SNTG1: variants seen among roughly 807,000 people sequenced by gnomAD.
SNTG1 encodes the protein syntrophin gamma 1, also known as gamma-1-syntrophin.
A neutral mutation model predicts 74.7 loss-of-function variants in SNTG1; 39 were observed. The observed-to-expected ratio is 0.52, with a 90% CI of 0.40 to 0.68. The LOEUF is 0.68. Ranked by LOEUF, SNTG1 falls within the 30% of genes least tolerant of loss-of-function variation. The pLI, the probability that SNTG1 is intolerant of heterozygous loss-of-function variation, is 0.00. For synonymous variants in SNTG1, 254 were observed against 217.1 expected, an observed-to-expected ratio of 1.17 and a Z score of -1.49; for missense variants, 685 against 609.5, an observed-to-expected ratio of 1.12 and a Z score of -1.30.
chr8:50,024,622 A>G (rs994854844), intron 1 of SNTG1, among the ~76,000 whole-genome samples: 7 of 152,142 alleles, frequency 4.6e-5, no homozygotes, highest in African/African-American at 1.7e-4. Flanking sequence ...TTTCCCTTCT[A>G]CATGTATATC....
At chr8:50,303,014 T>A (rs1009505172) in intron 2 of SNTG1, among the ~76,000 whole-genome samples, 1 of 152,216 alleles carries the variant, frequency 6.6e-6, no homozygotes, top group Non-Finnish European at 1.5e-5. Context: ...AATGAATGTA[T>A]TCATATCAAA....
intron 1 of SNTG1, among the ~76,000 whole-genome samples, chr8:50,100,896 G>C (rs1030583885): frequency 6.6e-6 from 1 of 152,062 alleles, no homozygotes; most frequent in Admixed American, 6.6e-5. Context: ...GAGACGCATA[G>C]TACCCAATAG....
At chr8:50,461,944 T>A (rs956169762) in intron 8 of SNTG1, among the ~76,000 whole-genome samples, 2 of 152,144 alleles carry the variant, frequency 1.3e-5, no homozygotes, top group East Asian at 1.9e-4. Flanking sequence ...GAAGGAAACA[T>A]GTGTATACAT....
chr8:50,177,565 CT>C (rs1291679817), intron 2 of SNTG1, among the ~76,000 whole-genome samples: 1 of 152,184 alleles, frequency 6.6e-6, no homozygotes, highest in African/African-American at 2.4e-5. Context: ...CTCAGAGAGG[CT>C]GGTTACAGCC....
intron 1 of SNTG1, among the ~76,000 whole-genome samples, chr8:49,931,767 G>C (rs982007941): frequency 1.3e-5 from 2 of 152,112 alleles, no homozygotes; most frequent in Admixed American, 1.3e-4. Flanking sequence ...ACAATACTGA[G>C]TGAATACAAC....
At chr8:50,262,062 G>A (rs542563434) in intron 2 of SNTG1, among the ~76,000 whole-genome samples, 3 of 152,138 alleles carry the variant, frequency 2.0e-5, no homozygotes, top group African/African-American at 7.2e-5. Context: ...AAGGTAGCTG[G>A]AAAAATCACC....
intron 2 of SNTG1, among the ~76,000 whole-genome samples, chr8:50,309,425 G>A (rs1222537334): frequency 6.6e-6 from 1 of 151,896 alleles, no homozygotes; most frequent in Non-Finnish European, 1.5e-5. Flanking sequence ...AAGTCAGATG[G>A]TTTTGATTCC....
At chr8:50,747,141 A>AAC (rs1300045361) in intron 17 of SNTG1, among the ~76,000 whole-genome samples, 1 of 151,830 alleles carries the variant, frequency 6.6e-6, no homozygotes, top group East Asian at 1.9e-4. Flanking sequence ...GCTCCAGATT[A>AAC]ACACCCCCTC....
intron 8 of SNTG1, among the ~76,000 whole-genome samples, chr8:50,461,012 T>C (rs1407839317): frequency 3.3e-5 from 5 of 152,142 alleles, no homozygotes; most frequent in Non-Finnish European, 7.4e-5. Flanking sequence ...TTTTTTCCTC[T>C]TACAGGATCC....
chr8:50,051,302 AC>A (rs1320480156), intron 1 of SNTG1, among the ~76,000 whole-genome samples: 1 of 151,772 alleles, frequency 6.6e-6, no homozygotes, highest in Non-Finnish European at 1.5e-5. Context: ...TAAATTAAAA[AC>A]GTAGCAAGAT....
intron 1 of SNTG1, among the ~76,000 whole-genome samples, chr8:49,941,798 T>C (rs576619863): frequency 2.5e-4 from 38 of 152,276 alleles, no homozygotes; most frequent in African/African-American, 8.4e-4. Flanking sequence ...CATTCTAATA[T>C]ATGTTAATCT....
chr8:50,612,970 T>G (rs1256617118), intron 13 of SNTG1, among the ~76,000 whole-genome samples: 3 of 151,952 alleles, frequency 2.0e-5, no homozygotes, highest in Non-Finnish European at 2.9e-5. Context: ...GAAAGCCAAG[T>G]GTACAGGAAA....
chr8:50,451,331 T>G (rs1039533739), intron 8 of SNTG1, among the ~76,000 whole-genome samples: 1 of 152,226 alleles, frequency 6.6e-6, no homozygotes, highest in African/African-American at 2.4e-5. Flanking sequence ...ACTTGTTATA[T>G]AAGGGACTTG....
chr8:50,086,047 AG>A (rs1822854291), intron 1 of SNTG1, among the ~76,000 whole-genome samples: 1 of 151,736 alleles, frequency 6.6e-6, no homozygotes, highest in Non-Finnish European at 1.5e-5. Context: ...GAAAAAAAAA[AG>A]GATCGATTTG....
chr8:50,693,381 C>T (rs549560311), intron 15 of SNTG1, among the ~76,000 whole-genome samples: 23 of 152,218 alleles, frequency 1.5e-4, no homozygotes, highest in East Asian at 9.7e-4. Context: ...TGTTCCTATT[C>T]GGCAATCTTG....
chr8:50,152,445 T>A (rs1410841693), intron 1 of SNTG1, among the ~76,000 whole-genome samples: 1 of 152,224 alleles, frequency 6.6e-6, no homozygotes, highest in Non-Finnish European at 1.5e-5. Flanking sequence ...TTTGATCCTG[T>A]CATTATATGT....
chr8:50,260,926 C>T (rs2087160289), intron 2 of SNTG1, among the ~76,000 whole-genome samples: 2 of 151,952 alleles, frequency 1.3e-5, no homozygotes, highest in African/African-American at 4.8e-5. Context: ...AGCTATAACA[C>T]ATGCATAATG....
intron 8 of SNTG1, among the ~76,000 whole-genome samples, chr8:50,494,507 T>C (rs2093886547): frequency 2.0e-5 from 3 of 152,048 alleles, no homozygotes; most frequent in Non-Finnish European, 4.4e-5. Context: ...TATCACTCTG[T>C]TCCTGATGCT....
intron 15 of SNTG1, among the ~76,000 whole-genome samples, chr8:50,671,294 T>C (rs1191321252): frequency 2.0e-5 from 3 of 151,714 alleles, no homozygotes; most frequent in Non-Finnish European, 4.4e-5. Flanking sequence ...AACCTACTCA[T>C]CTGACAAAGG....
Sources: gnomAD v4.1 joint callset for allele counts (sites outside exome capture counted in the v4.1 genomes callset) on GRCh38, gnomAD v4.1.1 for gene constraint, MANE v1.5 for transcripts, NCBI Gene and HGNC (gene_info 2026-07-23, HGNC 2026-07-21) for gene names.